Variants in RALYL observed in about 807,000 individuals in gnomAD.
RALYL encodes the protein RNA-binding Raly-like protein.
RALYL carries 29 observed loss-of-function variants against 35.1 expected under a neutral mutation model. The ratio of observed to expected loss-of-function variants is 0.83; its 90% CI spans 0.61 to 1.13. The LOEUF (loss-of-function observed/expected upper bound fraction) is 1.13, where lower values mean the gene tolerates loss of function less well. Ranked by LOEUF, RALYL falls within the 50% of genes most tolerant of loss-of-function variation. The pLI is 0.00. For missense variants in RALYL, 359 were observed against 360.4 expected (o/e 1.00, Z 0.03); for synonymous variants, 120 against 127.6 (o/e 0.94, Z 0.40).
intron 2 of RALYL, among the ~76,000 whole-genome samples, chr8:84,648,741 T>C (rs1828044303): frequency 6.6e-6 from 1 of 151,552 alleles, no homozygotes; most frequent in Non-Finnish European, 1.5e-5. Flanking sequence ...ATTATTAATA[T>C]ATTATTTGAA....
At chr8:84,614,638 T>A (rs1819031416) in intron 2 of RALYL, among the ~76,000 whole-genome samples, 1 of 151,558 alleles carries the variant, frequency 6.6e-6, no homozygotes, top group Admixed American at 6.6e-5. Context: ...TTTGCCCTAT[T>A]TTTAATGGCA....
intron 1 of RALYL, among the ~76,000 whole-genome samples, chr8:84,521,465 G>C (rs1324282049): frequency 6.6e-6 from 1 of 152,054 alleles, no homozygotes; most frequent in Non-Finnish European, 1.5e-5. Flanking sequence ...CTCTATTTTT[G>C]GCCTGACCCA....
intron 1 of RALYL, among the ~76,000 whole-genome samples, chr8:84,295,962 C>G (rs955547766): frequency 6.6e-6 from 1 of 152,118 alleles, no homozygotes; most frequent in Admixed American, 6.6e-5. Context: ...GGAAAAGCTA[C>G]TGAGTTGGGG....
chr8:84,520,427 C>T (rs1165593575), intron 1 of RALYL, among the ~76,000 whole-genome samples: 1 of 152,178 alleles, frequency 6.6e-6, no homozygotes, highest in African/African-American at 2.4e-5. Context: ...TATGATCTTA[C>T]TTCTTTAAGT....
intron 1 of RALYL, among the ~76,000 whole-genome samples, chr8:84,380,005 C>T (rs935982588): frequency 3.3e-5 from 5 of 151,678 alleles, no homozygotes; most frequent in African/African-American, 9.7e-5. Flanking sequence ...TGTTTTATCA[C>T]CCATCAGGTG....
At chr8:84,690,933 G>C (rs915290214) in intron 2 of RALYL, among the ~76,000 whole-genome samples, 2 of 152,028 alleles carry the variant, frequency 1.3e-5, no homozygotes, top group Admixed American at 1.3e-4. Flanking sequence ...TTATAGAAAT[G>C]TAACTATATA....
intron 8 of RALYL, among the ~76,000 whole-genome samples, chr8:84,909,028 T>C (rs2135665069): frequency 6.6e-6 from 1 of 152,264 alleles, no homozygotes; most frequent in Non-Finnish European, 1.5e-5. Context: ...TCCAAATCCC[T>C]GAGGATCTCA....
chr8:84,415,186 A>T (rs1359284070), intron 1 of RALYL, among the ~76,000 whole-genome samples: 13 of 124,192 alleles, frequency 1.0e-4, no homozygotes, highest in South Asian at 2.6e-4. Flanking sequence ...AATGGAAGTT[A>T]TTCTACTTGC....
intron 2 of RALYL, among the ~76,000 whole-genome samples, chr8:84,530,604 A>T (rs1199768876): frequency 6.6e-6 from 1 of 152,114 alleles, no homozygotes; most frequent in African/African-American, 2.4e-5. Flanking sequence ...AGGCCATCTC[A>T]TACAGCCCAT....
intron 2 of RALYL, among the ~76,000 whole-genome samples, chr8:84,762,685 A>G (rs777803582): frequency 6.6e-5 from 10 of 152,326 alleles, no homozygotes; most frequent in Middle Eastern, 3.4e-3. Flanking sequence ...ACCTTGTGCA[A>G]ATAAGACTTT....
chr8:84,528,600 A>G (rs2059065090), intron 1 of RALYL, among the ~76,000 whole-genome samples: 1 of 152,138 alleles, frequency 6.6e-6, no homozygotes, highest in Admixed American at 6.5e-5. Context: ...TTTGCTGATC[A>G]TTGATGAACA....
At chr8:84,869,950 T>C (rs1839896277) in intron 6 of RALYL, among the ~76,000 whole-genome samples, 1 of 152,094 alleles carries the variant, frequency 6.6e-6, no homozygotes. Context: ...GTAATAACAT[T>C]TATCACCAAA....
intron 2 of RALYL, among the ~76,000 whole-genome samples, chr8:84,703,624 A>T (rs1370244055): frequency 6.6e-6 from 1 of 152,112 alleles, no homozygotes; most frequent in African/African-American, 2.4e-5. Context: ...TACAAATTTG[A>T]CTGTATATAA....
At chr8:84,360,110 T>C (rs1304725591) in intron 1 of RALYL, among the ~76,000 whole-genome samples, 1 of 152,132 alleles carries the variant, frequency 6.6e-6, no homozygotes, top group Non-Finnish European at 1.5e-5. Flanking sequence ...TGGCCTTAAG[T>C]CATCCGCCCA....
At chr8:84,626,780 G>T (rs1822821542) in intron 2 of RALYL, among the ~76,000 whole-genome samples, 1 of 152,148 alleles carries the variant, frequency 6.6e-6, no homozygotes, top group African/African-American at 2.4e-5. Context: ...TTGTCAAGCT[G>T]CATTCTATTT....
At chr8:84,689,212 A>G (rs940620820) in intron 2 of RALYL, among the ~76,000 whole-genome samples, 4 of 152,046 alleles carry the variant, frequency 2.6e-5, no homozygotes, top group African/African-American at 9.7e-5. Context: ...ATATCTGCCA[A>G]TGCTATCCCT....
At chr8:84,243,884 G>A (rs1828529222) in intron 1 of RALYL, among the ~76,000 whole-genome samples, 2 of 152,242 alleles carry the variant, frequency 1.3e-5, no homozygotes, top group South Asian at 4.1e-4. Flanking sequence ...TAAGTCAGGA[G>A]GACATGCACC....
At chr8:84,194,998 T>A (rs1274620070) in intron 1 of RALYL, among the ~76,000 whole-genome samples, 1 of 152,062 alleles carries the variant, frequency 6.6e-6, no homozygotes, top group Non-Finnish European at 1.5e-5. Flanking sequence ...CAGCAACATT[T>A]GTCCAATAAA....
In RALYL at chr8:84,721,725, T is replaced by C. The variant is rs557936158; in HGVS notation, c.257-52854T>C. On this transcript the variant is annotated intron_variant, in intron 2 of 8. Coordinates refer to ENST00000521268, the MANE Select transcript of RALYL (RefSeq NM_173848.7). ...AATACATGGACAGAAGGGAATAATTTGAACCAAGTCCAGGACATACTGGCT... is the reference window on the plus strand; with the variant it reads ...AATACATGGACAGAAGGGAATAATTCGAACCAAGTCCAGGACATACTGGCT... Among the ~76,000 whole-genome samples the C allele has an allele frequency of 3.9e-5, 6 of 152,268 alleles. No individual in the cohort carries two copies. The South Asian group carries it at 1.2e-3, about 32-fold the overall frequency.
Sources: gnomAD v4.1 joint callset for allele counts (sites outside exome capture counted in the v4.1 genomes callset) on GRCh38, gnomAD v4.1.1 for gene constraint, MANE v1.5 for transcripts, NCBI Gene and HGNC (gene_info 2026-07-23, HGNC 2026-07-21) for gene names.